CFAP97: variants seen among roughly 807,000 people sequenced by gnomAD.
The protein encoded by CFAP97 is cilia- and flagella-associated protein 97.
CFAP97 carries 36 observed loss-of-function variants against 43.1 expected under a neutral mutation model. That is an observed-to-expected ratio of 0.84 (90% confidence interval 0.64 to 1.10). The LOEUF (loss-of-function observed/expected upper bound fraction) is 1.10, where lower values mean the gene tolerates loss of function less well. CFAP97 is among the 50% of genes least tolerant of loss of function. CFAP97 has a pLI of 0.00. For synonymous variants in CFAP97, 228 were observed against 225.7 expected (o/e 1.01, Z -0.09); for missense variants, 657 against 620.3 (o/e 1.06, Z -0.63).
chr4:185,182,871 G>A (rs190832708), intron 2 of CFAP97, among the ~76,000 whole-genome samples: 62 of 151,752 alleles, frequency 4.1e-4, no homozygotes, highest in Admixed American at 1.5e-3. Flanking sequence ...AGGCTGACAC[G>A]GGCGGATCAT....
At chr4:185,202,169 A>G (rs1736867094) in intron 1 of CFAP97, among the ~76,000 whole-genome samples, 1 of 152,146 alleles carries the variant, frequency 6.6e-6, no homozygotes, top group African/African-American at 2.4e-5. Flanking sequence ...CCCACAAAGG[A>G]GTTTGGAGTT....
intron 1 of CFAP97, among the ~76,000 whole-genome samples, chr4:185,198,218 A>G (rs1282098807): frequency 6.6e-6 from 1 of 152,012 alleles, no homozygotes; most frequent in African/African-American, 2.4e-5. Flanking sequence ...TGAAGTGGGC[A>G]GATCACTTGA....
chr4:185,195,891 G>C (rs1276975114), intron 1 of CFAP97, among the ~76,000 whole-genome samples: 2 of 152,140 alleles, frequency 1.3e-5, no homozygotes, highest in Non-Finnish European at 2.9e-5. Context: ...AAAATGTCAA[G>C]GAGTGGAATA....
chr4:185,192,935 TTTCACC>T (rs1353791200), intron 1 of CFAP97, among the ~76,000 whole-genome samples: 1 of 151,794 alleles, frequency 6.6e-6, no homozygotes, highest in Non-Finnish European at 1.5e-5. Context: ...AGAGACGGGG[TTTCACC>T]GTGTTATCCA....
chr4:185,178,611 T>C (rs538423421), intron 2 of CFAP97, among the ~76,000 whole-genome samples: 23 of 152,228 alleles, frequency 1.5e-4, no homozygotes, highest in African/African-American at 5.3e-4. Flanking sequence ...ATGTTCTCTA[T>C]TTTATATTAG....
chr4:185,207,509 C>T (rs370411755), upstream of CFAP97, among the ~76,000 whole-genome samples: 10 of 152,110 alleles, frequency 6.6e-5, no homozygotes, highest in African/African-American at 1.2e-4. Context: ...TGAGCCACCA[C>T]GCCTGGCCAA....
intron 1 of CFAP97, among the ~76,000 whole-genome samples, chr4:185,197,004 C>T (rs531922827): frequency 6.7e-5 from 10 of 148,628 alleles, no homozygotes; most frequent in Non-Finnish European, 1.3e-4. Context: ...GAAGCTGAGG[C>T]AGGAGAATTG....
chr4:185,181,895 A>G (rs985484191), intron 2 of CFAP97, among the ~76,000 whole-genome samples: 1 of 152,196 alleles, frequency 6.6e-6, no homozygotes, highest in Non-Finnish European at 1.5e-5. Flanking sequence ...CTTATGGAGC[A>G]TAACAGGGTC....
chr4:185,192,885 C>T (rs533675036), intron 1 of CFAP97, among the ~76,000 whole-genome samples: 31 of 152,020 alleles, frequency 2.0e-4, no homozygotes, highest in Admixed American at 1.6e-3. Context: ...GGACTACAGG[C>T]GCCCGCCACC....
intron 2 of CFAP97, among the ~76,000 whole-genome samples, chr4:185,181,483 G>A (rs982072427): frequency 2.6e-5 from 4 of 151,388 alleles, no homozygotes; most frequent in Non-Finnish European, 4.4e-5. Context: ...GTGCCACCAC[G>A]CACGGCTAAT....
intron 1 of CFAP97, among the ~76,000 whole-genome samples, chr4:185,196,302 G>A (rs979421190): frequency 6.6e-6 from 1 of 151,934 alleles, no homozygotes; most frequent in African/African-American, 2.4e-5. Flanking sequence ...ATGAAACCCT[G>A]TCTCTACCAA....
intron 1 of CFAP97, among the ~76,000 whole-genome samples, chr4:185,200,475 A>G (rs1736770441): frequency 6.6e-6 from 1 of 152,222 alleles, no homozygotes; most frequent in Non-Finnish European, 1.5e-5. Flanking sequence ...CTCCGTCTCT[A>G]CTAAAAATAC....
chr4:185,208,945 C>A (rs1480467193), upstream of CFAP97, among the ~76,000 whole-genome samples: 4 of 152,178 alleles, frequency 2.6e-5, no homozygotes, highest in Non-Finnish European at 5.9e-5. Context: ...ATTTGGACCA[C>A]GTTCCTTTGC....
intron 3 of CFAP97, among the ~76,000 whole-genome samples, chr4:185,173,472 G>A (rs1277033455): frequency 6.6e-6 from 1 of 151,930 alleles, no homozygotes; most frequent in African/African-American, 2.4e-5. Flanking sequence ...CTAAAAGCAG[G>A]GACATGAACA....
At chr4:185,185,511 T>A (rs1339874001) in intron 2 of CFAP97, among the ~76,000 whole-genome samples, 2 of 152,168 alleles carry the variant, frequency 1.3e-5, no homozygotes, top group Non-Finnish European at 1.5e-5. Context: ...CAAAAAATAG[T>A]ATTTTAGGTA....
intron 3 of CFAP97, among the ~76,000 whole-genome samples, chr4:185,173,397 C>T (rs937565176): frequency 2.0e-5 from 3 of 150,628 alleles, no homozygotes; most frequent in African/African-American, 7.3e-5. Context: ...ACCCAGGTTC[C>T]TTAAAAAGCT....
Position 185,175,880 on chromosome 4 carries a change from C to T in CFAP97, c.1226G>A (p.Ser409Asn), listed in dbSNP as rs1735502442. Residue 409 changes from serine to asparagine, a missense_variant, in exon 3 of 5, where the codon AGT (serine) becomes AAT (asparagine). Transcript: ENST00000458385. Reference protein sequence around the residue: ...SRQAEKPGSKSTIPRSADHPP... With the variant: ...SRQAEKPGSKNTIPRSADHPP... ...ATGATCAGCCGATCTAGGAATTGTA[C>T]TTTTGCTTCCCGGCTTTTCCGCCTG... 2.5e-6 allele frequency: 4 copies of T among 1,613,818 alleles called. No individual in the cohort carries two copies. Among genetic ancestry groups the T allele is most frequent in the Non-Finnish European group, 3.4e-6 (4 of 1,179,890 alleles).
At position 185,209,393 on chromosome 4, in the gene CFAP97, T is replaced by C. The variant is rs1410789105; in HGVS notation, c.-142A>G. The C allele has an allele frequency of 2.0e-5, 3 of 152,316 alleles. No homozygotes were observed. Among genetic ancestry groups the C allele is most frequent in the Admixed American group, 6.5e-5 (1 of 15,282 alleles). The allele number at this position is 152,316 out of a possible 1,614,324, so 9.4% of individuals were successfully genotyped here. A position where few individuals can be genotyped will look rare whatever the true frequency, so the allele number is the denominator to read the frequency against. On this transcript the variant is annotated 5_prime_UTR_variant, in exon 1 of 3. Coordinates refer to the CFAP97 transcript ENST00000503223. This position sits in a 1 kb window ranked among gnomAD's most constrained non-coding sequence, Gnocchi z 5.2. ...TTTTCCATGAACAGACGGCATCCTGTAGAGGAGGAGGGGAGCGTGGGAAAG... is the reference window on the plus strand; with the variant it reads ...TTTTCCATGAACAGACGGCATCCTGCAGAGGAGGAGGGGAGCGTGGGAAAG...
chr4:185,191,808 G>A (rs1456602397), intron 1 of CFAP97, among the ~76,000 whole-genome samples: 2 of 151,988 alleles, frequency 1.3e-5, no homozygotes, highest in Non-Finnish European at 1.5e-5. Flanking sequence ...CCAGCCTGGC[G>A]ACAGAGCAAG....
Sources: gnomAD v4.1 joint callset for allele counts (sites outside exome capture counted in the v4.1 genomes callset) on GRCh38, gnomAD v4.1.1 for gene constraint, Gnocchi (gnomAD v3.1) non-coding constraint, MANE v1.5 for transcripts, NCBI Gene and HGNC (gene_info 2026-07-23, HGNC 2026-07-21) for gene names.